The following KCNIP4 variants were observed in gnomAD, a reference collection of about 807,000 sequenced individuals.
KCNIP4 encodes the protein Kv channel-interacting protein 4.
Under a neutral mutation model 34.0 loss-of-function variants are expected in KCNIP4, and 12 were observed. The ratio of observed to expected loss-of-function variants is 0.35; its 90% CI spans 0.23 to 0.57. The LOEUF (loss-of-function observed/expected upper bound fraction) is 0.57. Among genes scored for constraint, KCNIP4 ranks in the 20% least tolerant of loss-of-function variants. The pLI is 0.83. For synonymous variants in KCNIP4, 124 were observed against 102.2 expected (o/e 1.21, Z -1.29); for missense variants, 238 against 311.7 (o/e 0.76, Z 1.78).
intron 1 of KCNIP4, among the ~76,000 whole-genome samples, chr4:20,964,364 A>G (rs535297444): frequency 4.3e-4 from 65 of 152,224 alleles, no homozygotes; most frequent in Non-Finnish European, 8.8e-4. Context: ...GAAGTTAAAA[A>G]CACAGTTAAA....
chr4:21,788,771 T>C (rs1720076900), intron 1 of KCNIP4, among the ~76,000 whole-genome samples: 1 of 152,110 alleles, frequency 6.6e-6, no homozygotes, highest in African/African-American at 2.4e-5. Context: ...TATGTCATTG[T>C]CATTGTAAAA....
chr4:21,456,745 A>G (rs1728985842), intron 1 of KCNIP4, among the ~76,000 whole-genome samples: 1 of 148,956 alleles, frequency 6.7e-6, no homozygotes, highest in Non-Finnish European at 1.5e-5. Flanking sequence ...CTTCTTGACT[A>G]TTGCTGGGTG....
rs757334653 is a variant in KCNIP4 at position 21,556,930 on chromosome 4, A to AAAAACAAAAAAAAAAAAAAC, written c.61+391640_61+391641insGTTTTTTTTTTTTTTGTTTT. On this transcript the variant is annotated intron_variant, in intron 1 of 8. Coordinates refer to ENST00000382152, the MANE Select transcript of KCNIP4 (RefSeq NM_025221.6). ...AGCAAGACTCCATCTCAGAAAAAAA[A>AAAAACAAAAAAAAAAAAAAC]AAAAAAAAAAAAACCAGAAAACAAA... is the stretch of plus-strand genomic sequence containing the variant. 2.6e-4 allele frequency among the ~76,000 whole-genome samples: 28 copies of AAAAACAAAAAAAAAAAAAAC among 108,256 alleles called. 1 individual carries two copies. Among genetic ancestry groups the AAAAACAAAAAAAAAAAAAAC allele is most frequent in the South Asian group, 9.5e-4 (3 of 3,154 alleles). 71.0% of individuals were successfully genotyped at this position (108,256 alleles called of 152,430 possible). A position where few individuals can be genotyped will look rare whatever the true frequency, so the allele number is the denominator to read the frequency against.
At chr4:21,225,151 C>G (rs180677335) in intron 1 of KCNIP4, among the ~76,000 whole-genome samples, 2 of 152,060 alleles carry the variant, frequency 1.3e-5, no homozygotes, top group African/African-American at 4.8e-5. Flanking sequence ...TGGGGCATAA[C>G]CCTATTGTAA....
intron 1 of KCNIP4, among the ~76,000 whole-genome samples, chr4:21,710,300 A>G (rs979222744): frequency 3.3e-5 from 5 of 151,832 alleles, no homozygotes; most frequent in Non-Finnish European, 7.4e-5. Context: ...ACACTCACAC[A>G]CTCCCCTGGA....
intron 3 of KCNIP4, among the ~76,000 whole-genome samples, chr4:20,799,747 TC>T (rs759110890): frequency 1.2e-4 from 19 of 152,248 alleles, no homozygotes; most frequent in Admixed American, 7.8e-4. Context: ...TGCTATCTCA[TC>T]CCTCAGATCC....
chr4:21,760,621 C>T (rs913501437), intron 1 of KCNIP4, among the ~76,000 whole-genome samples: 3 of 152,004 alleles, frequency 2.0e-5, no homozygotes, highest in African/African-American at 7.3e-5. Flanking sequence ...AATCTGAATA[C>T]ACAAGTAGCT....
At chr4:21,509,234 G>A (rs1170500640) in intron 1 of KCNIP4, among the ~76,000 whole-genome samples, 1 of 152,010 alleles carries the variant, frequency 6.6e-6, no homozygotes, top group East Asian at 1.9e-4. Flanking sequence ...ATTTTACAGA[G>A]GCCTTTTGCA....
intron 1 of KCNIP4, among the ~76,000 whole-genome samples, chr4:21,460,157 T>A (rs1018416707): frequency 1.3e-5 from 2 of 149,322 alleles, no homozygotes; most frequent in African/African-American, 4.9e-5. Flanking sequence ...CTCCATTCAT[T>A]CTGTTCCAGC....
chr4:21,000,680 C>T (rs1056545589), intron 1 of KCNIP4, among the ~76,000 whole-genome samples: 3 of 151,538 alleles, frequency 2.0e-5, no homozygotes, highest in Admixed American at 6.6e-5. Flanking sequence ...AACATAACTT[C>T]GTCTCAAAGA....
At chr4:21,894,334 CAAATAAATAAAT>C (rs71655673) in intron 1 of KCNIP4, among the ~76,000 whole-genome samples, 2 of 150,788 alleles carry the variant, frequency 1.3e-5, no homozygotes, top group Non-Finnish European at 3.0e-5. Flanking sequence ...GACCCAGTCT[CAAATAAATAAAT>C]AAATAAATAA....
At chr4:21,032,113 T>A (rs1422479522) in intron 1 of KCNIP4, among the ~76,000 whole-genome samples, 1 of 152,166 alleles carries the variant, frequency 6.6e-6, no homozygotes, top group Admixed American at 6.5e-5. Context: ...CAAACATTGC[T>A]TGTATCCTCT....
chr4:21,636,945 G>T (rs952982536), intron 1 of KCNIP4, among the ~76,000 whole-genome samples: 1 of 152,148 alleles, frequency 6.6e-6, no homozygotes, highest in Admixed American at 6.5e-5. Context: ...TATCTTGATG[G>T]ACACTAGGAA....
intron 1 of KCNIP4, among the ~76,000 whole-genome samples, chr4:21,435,021 G>A (rs1354483234): frequency 1.3e-5 from 2 of 152,132 alleles, no homozygotes; most frequent in African/African-American, 2.4e-5. Flanking sequence ...ATCCAGAACA[G>A]GTATATTGTG....
chr4:20,835,741 C>A (rs1225549788), intron 3 of KCNIP4, among the ~76,000 whole-genome samples: 1 of 152,078 alleles, frequency 6.6e-6, no homozygotes, highest in East Asian at 1.9e-4. Context: ...ATTTTGATTA[C>A]TAATTCTTAA....
intron 1 of KCNIP4, among the ~76,000 whole-genome samples, chr4:21,416,422 T>C (rs936025906): frequency 6.6e-6 from 1 of 152,174 alleles, no homozygotes; most frequent in African/African-American, 2.4e-5. Flanking sequence ...CTGCTGCCTG[T>C]GATTGATAGC....
chr4:21,844,458 C>T (rs1723883763), intron 1 of KCNIP4: 1 of 152,022 alleles, frequency 6.6e-6, no homozygotes, highest in Non-Finnish European at 1.5e-5. Flanking sequence ...CAGTCAACTC[C>T]AAAATATGGA....
At chr4:21,732,100 TA>T (rs11329921) in intron 1 of KCNIP4, among the ~76,000 whole-genome samples, 18,024 of 151,608 alleles carry the variant, frequency 0.12, 3,662 homozygotes, top group African/African-American at 0.41. Flanking sequence ...CATGAGTTGG[TA>T]CACTTACTTC....
At chr4:21,856,552 C>G (rs950136642) in intron 1 of KCNIP4, among the ~76,000 whole-genome samples, 30 of 152,148 alleles carry the variant, frequency 2.0e-4, no homozygotes, top group Admixed American at 1.0e-3. Flanking sequence ...CCTTGCACTC[C>G]CCAGGTGCAG....
Sources: allele counts gnomAD v4.1 joint callset (sites outside exome capture counted in the v4.1 genomes callset), GRCh38; gene constraint gnomAD v4.1.1; transcripts MANE v1.5; gene names NCBI Gene and HGNC (gene_info 2026-07-23, HGNC 2026-07-21).